GABRR1: variants seen among roughly 807,000 people sequenced by gnomAD.
GABRR1 encodes gamma-aminobutyric acid receptor subunit rho-1.
A neutral mutation model predicts 55.5 loss-of-function variants in GABRR1; 59 were observed. The observed-to-expected ratio is 1.06, with a 90% CI of 0.86 to 1.32. GABRR1 has a LOEUF of 1.32. GABRR1 is among the 40% of genes most tolerant of loss of function. The pLI is 0.00. For missense variants in GABRR1, 602 were observed against 619.1 expected (o/e 0.97, Z 0.29); for synonymous variants, 213 against 226.0 (o/e 0.94, Z 0.51).
chr6:89,224,783 GA>G (rs1344636762), intron 1 of GABRR1, among the ~76,000 whole-genome samples: 5 of 130,742 alleles, frequency 3.8e-5, no homozygotes, highest in African/African-American at 6.1e-5. Context: ...TTTTCTTCTA[GA>G]ATTTTTTTTT....
chr6:89,231,250 A>T (rs1455309572), exon 1 of GABRR1: 1 of 154,664 alleles, frequency 6.5e-6, no homozygotes, highest in South Asian at 2.0e-4. Context: ...GGAGCTGTAG[A>T]CGGGAGCTGT....
At chr6:89,226,218 C>T (rs1773201325) in intron 1 of GABRR1, among the ~76,000 whole-genome samples, 1 of 149,800 alleles carries the variant, frequency 6.7e-6, no homozygotes, top group Non-Finnish European at 1.5e-5. Context: ...TGTAGGTTGC[C>T]TGTTCACTCT....
At chr6:89,193,956 A>T (rs111974346) in intron 5 of GABRR1, among the ~76,000 whole-genome samples, 1 of 151,964 alleles carries the variant, frequency 6.6e-6, no homozygotes, top group Non-Finnish European at 1.5e-5. Flanking sequence ...TCTCCCCCCA[A>T]CTCATGACTT....
chr6:89,208,022 C>CAA (rs1772705824), intron 1 of GABRR1, among the ~76,000 whole-genome samples: 1 of 152,196 alleles, frequency 6.6e-6, no homozygotes, highest in Non-Finnish European at 1.5e-5. Flanking sequence ...CGAAACCTTT[C>CAA]AAGTCCATTC....
At chr6:89,210,129 C>T (rs1772783857) in intron 1 of GABRR1, among the ~76,000 whole-genome samples, 1 of 150,100 alleles carries the variant, frequency 6.7e-6, no homozygotes, top group African/African-American at 2.5e-5. Context: ...GCTCTTTTCA[C>T]CTTTAAAGTG....
At chr6:89,214,511 G>A (rs1314246814) in intron 1 of GABRR1, among the ~76,000 whole-genome samples, 3 of 151,886 alleles carry the variant, frequency 2.0e-5, no homozygotes, top group Non-Finnish European at 2.9e-5. Flanking sequence ...ATCTGATAAG[G>A]GGTTCATATC....
intron 5 of GABRR1, among the ~76,000 whole-genome samples, chr6:89,191,855 C>A (rs1324259263): frequency 6.6e-6 from 1 of 152,116 alleles, no homozygotes; most frequent in Non-Finnish European, 1.5e-5. Flanking sequence ...CAAATGAAGA[C>A]TTCTGCTGTC....
At chr6:89,225,290 T>A (rs1773182152) in intron 1 of GABRR1, among the ~76,000 whole-genome samples, 1 of 150,036 alleles carries the variant, frequency 6.7e-6, no homozygotes, top group Non-Finnish European at 1.5e-5. Flanking sequence ...ATACTTTAAG[T>A]TTTGGGGTAC....
At chr6:89,199,821 C>T (rs1159257374) in intron 3 of GABRR1, among the ~76,000 whole-genome samples, 1 of 152,144 alleles carries the variant, frequency 6.6e-6, no homozygotes. Context: ...ATGAGAAAGG[C>T]GTTGTTTGGT....
In GABRR1 at chr6:89,177,877, T is replaced by C. The variant is rs1183854957; in HGVS notation, c.*893A>G. The C allele has an allele frequency of 6.6e-6, 1 of 152,240 alleles. No homozygotes were observed. Among genetic ancestry groups the C allele is most frequent in the African/African-American group, 2.4e-5 (1 of 41,466 alleles). The allele number at this position is 152,240 out of a possible 1,614,324, so 9.4% of individuals were successfully genotyped here. On this transcript the variant is annotated 3_prime_UTR_variant, in exon 10 of 10. Transcript: ENST00000454853. ...CTAATGAGTTACAAGTAGTCCCAAATTATGTATTTCCTTGAAGTGTTTATG... is the reference window on the plus strand; with the variant it reads ...CTAATGAGTTACAAGTAGTCCCAAACTATGTATTTCCTTGAAGTGTTTATG...
Position 89,203,419 on chromosome 6 carries a change from G to T in GABRR1, c.173+16C>A, listed in dbSNP as rs760629012. 1.9e-6 allele frequency: 3 copies of T among 1,610,158 alleles called. No individual in the cohort carries two copies. The highest frequency in any genetic ancestry group is 2.2e-5 in the South Asian group (2 of 90,966). On this transcript the variant is annotated intron_variant, in intron 2 of 9. Transcript: ENST00000454853. The stretch of plus-strand genomic sequence containing the variant: ...GAAACATCTGCAGAACAGTGTGCAC[G>T]TGCTTATGGCCATACCTGACTTGCT...
intron 5 of GABRR1, among the ~76,000 whole-genome samples, chr6:89,195,622 T>G (rs1411245288): frequency 6.6e-6 from 1 of 152,232 alleles, no homozygotes; most frequent in Non-Finnish European, 1.5e-5. Context: ...AAAGGAGAGA[T>G]AGTCTTTTCC....
At position 89,178,480 on chromosome 6, in the gene GABRR1, G is replaced by A. The variant is rs992568988; in HGVS notation, c.*290C>T. 1.4e-5 allele frequency: 6 copies of A among 420,950 alleles called. No homozygotes were observed. The Admixed American group carries it at 1.9e-4, about 13-fold the overall frequency. The allele number at this position is 420,950 out of a possible 1,614,324, so 26.1% of individuals were successfully genotyped here. A position where few individuals can be genotyped will look rare whatever the true frequency, so the allele number is the denominator to read the frequency against. ...TGGAACTAAATGTGCCCACAACACT[G>A]GTAGTGTGCTTTTCCAGGGGATCTG... On this transcript the variant is annotated 3_prime_UTR_variant, in exon 10 of 10. Coordinates refer to ENST00000454853, the MANE Select transcript of GABRR1 (RefSeq NM_002042.5).
chr6:89,223,369 T>A (rs1052458883), intron 1 of GABRR1, among the ~76,000 whole-genome samples: 3 of 152,252 alleles, frequency 2.0e-5, no homozygotes, highest in Non-Finnish European at 4.4e-5. Context: ...TTGCTGTGAA[T>A]GCCATTAATT....
At chr6:89,187,132 T>C (rs1309188006) in intron 6 of GABRR1, among the ~76,000 whole-genome samples, 1 of 152,070 alleles carries the variant, frequency 6.6e-6, no homozygotes, top group Admixed American at 6.5e-5. Context: ...GGAGCGGACA[T>C]GTAGAGGGAC....
At chr6:89,182,168 C>T in intron 7 of GABRR1, 111 bp from the exon 8 acceptor site, 1 of 970,682 alleles carries the variant, frequency 1.0e-6, no homozygotes, top group African/African-American at 1.6e-5. Context: ...CTTATCATGT[C>T]TTTATAAGGT....
At position 89,199,403 on chromosome 6, in the gene GABRR1, C is replaced by A. The variant is rs538470381; in HGVS notation, c.307G>T (p.Val103Leu). 1 of 1,614,056 alleles carries A rather than the reference C, an allele frequency of 6.2e-7. No individual in the cohort carries two copies. Among genetic ancestry groups the A allele is most frequent in the Non-Finnish European group, 8.5e-7 (1 of 1,179,942 alleles). ...ATGCTATCCAAACTCTCCACCTGCA[C>A]ATCCACACCAACAGGAATGGCAGGG... ...GGPAIPVGVD[V>L]QVESLDSISE... The change falls in exon 4 of 10, where the codon GTG (valine) becomes TTG (leucine). Residue 103 changes from valine to leucine, a missense_variant. Val to Leu is a conservative substitution (Grantham distance 32, BLOSUM62 1). Transcript: ENST00000454853.
intron 1 of GABRR1, among the ~76,000 whole-genome samples, chr6:89,213,848 T>TA (rs1185417195): frequency 4.0e-5 from 5 of 126,486 alleles, no homozygotes; most frequent in East Asian, 2.1e-4. Context: ...TGGGTGTTTT[T>TA]AAAATTTTTT....
Position 89,202,680 on chromosome 6 carries a change from CTTTAT to C in GABRR1, c.173+750_173+754del, listed in dbSNP as rs201645788. Among the ~76,000 whole-genome samples the C allele has an allele frequency of 6.5e-3, 991 of 152,012 alleles. 11 individuals are homozygous for C. Among genetic ancestry groups the C allele is most frequent in the African/African-American group, 0.022 (902 of 41,502 alleles). ...AGACATATATTCTTAGTTATCCCCT[CTTTAT>C]TTTATATTTTTTATTTATTTATTTA... On this transcript the variant is annotated intron_variant, in intron 2 of 9. Coordinates refer to ENST00000454853, the MANE Select transcript of GABRR1 (RefSeq NM_002042.5).
Sources: allele counts gnomAD v4.1 joint callset (sites outside exome capture counted in the v4.1 genomes callset), GRCh38; gene constraint gnomAD v4.1.1; transcripts MANE v1.5; gene names NCBI Gene and HGNC (gene_info 2026-07-23, HGNC 2026-07-21).